The following AP3B1 variants were observed in gnomAD, a reference collection of about 807,000 sequenced individuals.
AP3B1 encodes the protein AP-3 complex subunit beta-1.
A neutral mutation model predicts 132.5 loss-of-function variants in AP3B1; 61 were observed. The observed-to-expected ratio is 0.46, with a 90% CI of 0.37 to 0.57. The LOEUF (loss-of-function observed/expected upper bound fraction) is 0.57, where lower values mean the gene tolerates loss of function less well. Among genes scored for constraint, AP3B1 ranks in the 20% least tolerant of loss-of-function variants. The pLI is 0.00. For missense variants in AP3B1, 1,120 were observed against 1,289.4 expected (o/e 0.87, Z 2.01); for synonymous variants, 388 against 438.3 (o/e 0.89, Z 1.43).
At chr5:78,242,388 T>C (rs1254341681) in intron 2 of AP3B1, among the ~76,000 whole-genome samples, 1 of 149,612 alleles carries the variant, frequency 6.7e-6, no homozygotes, top group African/African-American at 2.5e-5. Context: ...GGCCACTGTG[T>C]CACCCAATCC....
intron 15 of AP3B1, 142 bp from the exon 16 acceptor site, chr5:78,129,449 G>T: frequency 1.3e-6 from 1 of 765,836 alleles, no homozygotes; most frequent in Non-Finnish European, 2.2e-6. Context: ...CATTTCTAAT[G>T]CTGCAAATGG....
At chr5:78,168,287 G>A (rs1210404424) in intron 11 of AP3B1, among the ~76,000 whole-genome samples, 1 of 146,936 alleles carries the variant, frequency 6.8e-6, no homozygotes, top group East Asian at 2.0e-4. Flanking sequence ...GCAGTGGTAT[G>A]ATCATGGCTC....
intron 7 of AP3B1, among the ~76,000 whole-genome samples, chr5:78,207,079 G>A (rs1251980960): frequency 6.6e-6 from 1 of 151,918 alleles, no homozygotes; most frequent in East Asian, 1.9e-4. Flanking sequence ...CCAACATGGT[G>A]AAACCCCGTC....
At chr5:78,166,117 T>TCTCA (rs1491469232) in intron 11 of AP3B1, among the ~76,000 whole-genome samples, 2 of 135,838 alleles carry the variant, frequency 1.5e-5, no homozygotes, top group African/African-American at 5.6e-5. Context: ...TGAAACTCTG[T>TCTCA]CACACACACA....
At position 78,227,468 on chromosome 5, in the gene AP3B1, A is replaced by G; in HGVS notation, c.440T>C (p.Ile147Thr). ...AATAGCAAGCATCATGATAGGTACAATAATTGGCACTCTAATACTTGACAG... is the reference window on the plus strand; with the variant it reads ...AATAGCAAGCATCATGATAGGTACAGTAATTGGCACTCTAATACTTGACAG... ...RVLSSIRVPI[I>T]VPIMMLAIKE... is the part of the protein sequence containing the mutation. Residue 147 changes from isoleucine to threonine, a missense_variant, in exon 5 of 27, where the codon ATT (isoleucine) becomes ACT (threonine). Around this residue, in one of 3 missense-constraint regions of AP3B1, gnomAD observed 129 missense variants for 212.4 expected, o/e 0.61. Transcript: ENST00000255194. 2 of 1,613,798 alleles carry G rather than the reference A, an allele frequency of 1.2e-6. No homozygotes were observed. Among genetic ancestry groups the G allele is most frequent in the Non-Finnish European group, 1.7e-6 (2 of 1,179,778 alleles).
intron 1 of AP3B1, among the ~76,000 whole-genome samples, chr5:78,271,174 C>T (rs370683690): frequency 4.6e-5 from 7 of 152,200 alleles, no homozygotes; most frequent in Admixed American, 4.6e-4. Context: ...GTAATCCCAG[C>T]ACTTTGGGAG....
chr5:78,039,819 T>A (rs1418580081), intron 22 of AP3B1, among the ~76,000 whole-genome samples: 1 of 150,698 alleles, frequency 6.6e-6, no homozygotes, highest in Non-Finnish European at 1.5e-5. Flanking sequence ...AAAAAGAAAT[T>A]TTTCTGTAAC....
chr5:78,071,759 A>T (rs1007221573), intron 22 of AP3B1, among the ~76,000 whole-genome samples: 4 of 152,112 alleles, frequency 2.6e-5, no homozygotes, highest in Admixed American at 2.6e-4. Context: ...AGAAACCCAG[A>T]CTCCAATATT....
At chr5:78,106,835 G>A (rs1397335799) in intron 20 of AP3B1, among the ~76,000 whole-genome samples, 3 of 152,206 alleles carry the variant, frequency 2.0e-5, no homozygotes, top group Non-Finnish European at 4.4e-5. Flanking sequence ...AAGAATGCTG[G>A]TGACAAATGG....
chr5:78,253,405 C>T (rs1381973018), intron 2 of AP3B1, among the ~76,000 whole-genome samples: 1 of 152,178 alleles, frequency 6.6e-6, no homozygotes, highest in East Asian at 1.9e-4. Context: ...CCTATGAATA[C>T]TAGAAAGCCT....
Position 78,003,049 on chromosome 5 carries a change from T to C in AP3B1, c.3138A>G (p.Ala1046=), listed in dbSNP as rs771162712. 4 of 1,614,108 alleles carry C rather than the reference T, an allele frequency of 2.5e-6. No individual in the cohort carries two copies. The highest frequency in any genetic ancestry group is 3.4e-6 in the Non-Finnish European group (4 of 1,180,002). The change falls in exon 27 of 27, where the codon GCA becomes GCG. Residue 1046 remains alanine, a synonymous_variant. Transcript: ENST00000255194. ...ATGACCCACTGTGCACAGTTTTAGC[T>C]GCAAACCTGGAAGAGAAAAAAGAGA... The part of the protein sequence containing the change: ...PSGQDNIHRF[A]AKTVHSGSLM...
intron 21 of AP3B1, among the ~76,000 whole-genome samples, chr5:78,096,830 G>A (rs1205936552): frequency 1.3e-5 from 2 of 151,434 alleles, no homozygotes; most frequent in Non-Finnish European, 2.9e-5. Flanking sequence ...GCCCCGTCCG[G>A]GAGGGAGGGG....
intron 22 of AP3B1, among the ~76,000 whole-genome samples, chr5:78,060,197 G>A (rs1184717426): frequency 1.3e-5 from 2 of 152,076 alleles, no homozygotes; most frequent in African/African-American, 2.4e-5. Flanking sequence ...AAGTTATACC[G>A]AGTCTCTGAA....
intron 22 of AP3B1, among the ~76,000 whole-genome samples, chr5:78,052,338 G>A (rs560462958): frequency 2.0e-5 from 3 of 151,978 alleles, no homozygotes; most frequent in East Asian, 3.8e-4. Context: ...TTTCATGCTC[G>A]GTATTAAGCA....
chr5:78,237,815 A>G (rs1251979983), intron 3 of AP3B1, among the ~76,000 whole-genome samples: 2 of 152,000 alleles, frequency 1.3e-5, no homozygotes, highest in African/African-American at 4.8e-5. Flanking sequence ...CCTGTCTCCA[A>G]AAAAAAAGTA....
chr5:78,157,092 G>A (rs924042570), intron 13 of AP3B1, among the ~76,000 whole-genome samples: 3 of 152,090 alleles, frequency 2.0e-5, no homozygotes, highest in African/African-American at 7.2e-5. Context: ...TGGGGGGAGG[G>A]CGGGGATATT....
intron 21 of AP3B1, among the ~76,000 whole-genome samples, chr5:78,094,893 C>CG (rs1750707793): frequency 6.6e-6 from 1 of 152,070 alleles, no homozygotes; most frequent in Non-Finnish European, 1.5e-5. Flanking sequence ...GTTGGCCAGG[C>CG]TGGTATCAAT....
At chr5:78,034,266 G>A (rs1339247474) in intron 24 of AP3B1, 95 bp downstream of exon 24, 2 of 922,808 alleles carry the variant, frequency 2.2e-6, no homozygotes, top group African/African-American at 3.3e-5. Flanking sequence ...TAAATGTTTT[G>A]TCTTTCACAC....
intron 24 of AP3B1, among the ~76,000 whole-genome samples, chr5:78,026,794 A>G (rs1747357242): frequency 6.6e-6 from 1 of 152,232 alleles, no homozygotes; most frequent in Non-Finnish European, 1.5e-5. Context: ...GGTCAATACC[A>G]GACACAAAAG....
Sources: gnomAD v4.1 joint callset for allele counts (sites outside exome capture counted in the v4.1 genomes callset) on GRCh38, gnomAD v4.1.1 for gene constraint, gnomAD v4.1.1 regional missense constraint, MANE v1.5 for transcripts, NCBI Gene and HGNC (gene_info 2026-07-23, HGNC 2026-07-21) for gene names.